CADM2: variants seen among roughly 807,000 people sequenced by gnomAD.
CADM2 encodes immunoglobulin superfamily member 4D.
Under a neutral mutation model 49.8 loss-of-function variants are expected in CADM2, and 12 were observed. That is an observed-to-expected ratio of 0.24 (90% CI 0.15 to 0.39). CADM2 has a LOEUF of 0.39. CADM2 is among the 10% of genes least tolerant of loss of function. The pLI, the probability that CADM2 is intolerant of heterozygous loss-of-function variation, is 1.00. For missense variants in CADM2, 378 were observed against 492.3 expected (o/e 0.77, Z 2.20); for synonymous variants, 214 against 175.4 (o/e 1.22, Z -1.74).
At chr3:85,997,091 T>G (rs746575869) in intron 8 of CADM2, among the ~76,000 whole-genome samples, 3 of 152,204 alleles carry the variant, frequency 2.0e-5, no homozygotes, top group African/African-American at 4.8e-5. Flanking sequence ...GCTGTCACTT[T>G]CATCTCTCCG....
intron 1 of CADM2, among the ~76,000 whole-genome samples, chr3:85,492,517 A>T (rs2039716542): frequency 6.6e-6 from 1 of 151,992 alleles, no homozygotes; most frequent in Non-Finnish European, 1.5e-5. Context: ...GCTTGAACCC[A>T]GGAGGCAGAG....
At chr3:85,422,064 G>A (rs543745843) in intron 1 of CADM2, among the ~76,000 whole-genome samples, 201 of 152,268 alleles carry the variant, frequency 1.3e-3, no homozygotes, top group African/African-American at 4.3e-3. Context: ...CATATATATT[G>A]TGTTTCCACA....
At chr3:85,396,192 A>T (rs1413785164) in intron 1 of CADM2, among the ~76,000 whole-genome samples, 1 of 151,598 alleles carries the variant, frequency 6.6e-6, no homozygotes, top group Admixed American at 6.6e-5. Flanking sequence ...CTGTTCATTT[A>T]TTTCATCGGT....
intron 1 of CADM2, among the ~76,000 whole-genome samples, chr3:85,090,681 G>A (rs1026629598): frequency 2.0e-5 from 3 of 152,128 alleles, no homozygotes. Flanking sequence ...CTGCACATAG[G>A]AGGTGAGTGG....
chr3:85,927,746 G>C (rs909780639), intron 6 of CADM2, among the ~76,000 whole-genome samples: 8 of 151,998 alleles, frequency 5.3e-5, no homozygotes, highest in Non-Finnish European at 1.2e-4. Context: ...TAGCATTTTG[G>C]CCATCATCCA....
chr3:86,050,939 A>G (rs1737264664), intron 8 of CADM2, among the ~76,000 whole-genome samples: 1 of 152,166 alleles, frequency 6.6e-6, no homozygotes, highest in Non-Finnish European at 1.5e-5. Flanking sequence ...TGGGTTTTCC[A>G]CATTATCTTG....
intron 1 of CADM2, among the ~76,000 whole-genome samples, chr3:85,210,583 C>A (rs2041754002): frequency 6.6e-6 from 1 of 151,656 alleles, no homozygotes; most frequent in African/African-American, 2.4e-5. Context: ...GCTCTGTTGC[C>A]CAGGTTGGAG....
intron 1 of CADM2, among the ~76,000 whole-genome samples, chr3:85,697,997 A>G (rs2066623582): frequency 6.6e-6 from 1 of 152,246 alleles, no homozygotes; most frequent in East Asian, 1.9e-4. Context: ...TCATTCAATA[A>G]TAACTTAAAG....
chr3:85,027,182 T>G (rs1302351357), intron 1 of CADM2, among the ~76,000 whole-genome samples: 1 of 137,924 alleles, frequency 7.3e-6, no homozygotes, highest in African/African-American at 2.7e-5. Context: ...TGGCGTGATC[T>G]CGACTCACTG....
At chr3:84,999,470 T>C (rs2107208225) in intron 1 of CADM2, among the ~76,000 whole-genome samples, 1 of 152,302 alleles carries the variant, frequency 6.6e-6, no homozygotes, top group African/African-American at 2.4e-5. Context: ...CACAGCCTTC[T>C]TGCCCTTAGG....
At chr3:85,839,897 TAATAAAAGAGGAAC>T (rs1329129523) in intron 3 of CADM2, among the ~76,000 whole-genome samples, 1 of 151,880 alleles carries the variant, frequency 6.6e-6, no homozygotes, top group Admixed American at 6.6e-5. Flanking sequence ...TAATTACGGG[TAATAAAAGAGGAAC>T]AATAAGTGAA....
chr3:85,359,204 A>G (rs1021565512), intron 1 of CADM2, among the ~76,000 whole-genome samples: 27 of 152,126 alleles, frequency 1.8e-4, no homozygotes, highest in African/African-American at 6.3e-4. Flanking sequence ...AGAAGGCAGC[A>G]ATTCTAAAAG....
chr3:85,522,993 GAAAAAAAAAA>G (rs71108296), intron 1 of CADM2, among the ~76,000 whole-genome samples: 24 of 105,458 alleles, frequency 2.3e-4, no homozygotes, highest in African/African-American at 8.2e-4. Flanking sequence ...ACTTTTCCAA[GAAAAAAAAAA>G]AAAAAAGAAA....
chr3:85,699,809 T>C (rs145355860), intron 1 of CADM2, among the ~76,000 whole-genome samples: 327 of 152,356 alleles, frequency 2.1e-3, no homozygotes, highest in African/African-American at 6.9e-3. Flanking sequence ...ATTTGACTCC[T>C]TTTTACTTAT....
At chr3:85,763,441 A>G (rs2069496842) in intron 2 of CADM2, among the ~76,000 whole-genome samples, 2 of 152,188 alleles carry the variant, frequency 1.3e-5, no homozygotes, top group Non-Finnish European at 2.9e-5. Flanking sequence ...CTTCACCCAT[A>G]CAAAGGTAGC....
chr3:86,009,000 C>T (rs981465514), intron 8 of CADM2, among the ~76,000 whole-genome samples: 30 of 150,728 alleles, frequency 2.0e-4, no homozygotes, highest in Admixed American at 1.8e-3. Context: ...GTGTAGCTCT[C>T]GCTGAAAATA....
chr3:85,625,897 G>A (rs548501520), intron 1 of CADM2, among the ~76,000 whole-genome samples: 5 of 152,010 alleles, frequency 3.3e-5, no homozygotes, highest in African/African-American at 1.2e-4. Context: ...CAAACTGAGC[G>A]ATATCTTGAC....
At chr3:85,166,774 G>A (rs1267204191) in intron 1 of CADM2, among the ~76,000 whole-genome samples, 2 of 151,870 alleles carry the variant, frequency 1.3e-5, no homozygotes, top group African/African-American at 4.8e-5. Context: ...CTCATCAATA[G>A]GGAGGTAAGA....
chr3:85,718,886 T>G (rs967174168), intron 1 of CADM2, among the ~76,000 whole-genome samples: 9 of 39,844 alleles, frequency 2.3e-4, no homozygotes, highest in African/African-American at 7.8e-4. Flanking sequence ...TGGTATTTTA[T>G]TATTATTATT....
Sources: gnomAD v4.1 joint callset for allele counts (sites outside exome capture counted in the v4.1 genomes callset) on GRCh38, gnomAD v4.1.1 for gene constraint, MANE v1.5 for transcripts, NCBI Gene and HGNC (gene_info 2026-07-23, HGNC 2026-07-21) for gene names.